RND3: variants seen among roughly 807,000 people sequenced by gnomAD.
The protein encoded by RND3 is rho-related GTP-binding protein RhoE.
Under a neutral mutation model 26.5 loss-of-function variants are expected in RND3, and 8 were observed. The observed-to-expected ratio is 0.30, with a 90% CI of 0.18 to 0.54. The LOEUF is 0.54. RND3 is among the 20% of genes least tolerant of loss of function. The pLI is 0.94. For synonymous variants in RND3, 113 were observed against 113.0 expected (o/e 1.00, Z 0.00); for missense variants, 207 against 302.8 (o/e 0.68, Z 2.35).
chr2:150,485,971 G>A (rs1334301604), intron 3 of RND3, among the ~76,000 whole-genome samples: 1 of 152,152 alleles, frequency 6.6e-6, no homozygotes, highest in Non-Finnish European at 1.5e-5. Context: ...GCCGAGTGGG[G>A]GATGCAATAG....
chr2:150,474,959 G>T lies in RND3; in HGVS notation c.264C>A (p.Arg88=), dbSNP rs1411389755. ...TSGSPYYDNV[R]PLSYPDSDAV... ...CATCCGAATCAGGGTAAGAGAGGGG[G>T]CGGACATTGTCATAGTAAGGAGAAC... The change falls in exon 4 of 6, where the codon CGC becomes CGA. Residue 88 remains arginine, a synonymous_variant. Transcript: ENST00000263895. The T allele has an allele frequency of 2.5e-6, 4 of 1,612,504 alleles. No individual in the cohort carries two copies. Among genetic ancestry groups the T allele is most frequent in the African/African-American group, 1.3e-5 (1 of 74,864 alleles).
intron 2 of RND3, 45 bp downstream of exon 2, chr2:150,487,223 C>A: frequency 6.7e-7 from 1 of 1,499,894 alleles, no homozygotes. Context: ...GACTGGGATC[C>A]CACTGGCCGA....
intron 3 of RND3, 107 bp from the exon 4 acceptor site, chr2:150,475,091 C>A: frequency 1.6e-6 from 1 of 636,794 alleles, no homozygotes; most frequent in South Asian, 1.9e-5. Flanking sequence ...CATCACGACC[C>A]AACTCCCACT....
rs574019604 is a variant in RND3, at chr2:150,483,040, A to G, written c.238+3654T>C. ...AGTGGATGCGGGAAAAAAGGAAGAGATGGATGGAGAAAGGGAGAAAGGAAG... is the reference window on the plus strand; with the variant it reads ...AGTGGATGCGGGAAAAAAGGAAGAGGTGGATGGAGAAAGGGAGAAAGGAAG... On this transcript the variant is annotated intron_variant, in intron 3 of 5. Transcript: ENST00000263895. Among the ~76,000 whole-genome samples the G allele has an allele frequency of 7.2e-5, 11 of 152,284 alleles. No individual in the cohort carries two copies. In the South Asian group the frequency reaches 8.3e-4, roughly 11 times the overall value.
chr2:150,476,619 C>T (rs1454343147), intron 3 of RND3, among the ~76,000 whole-genome samples: 2 of 152,154 alleles, frequency 1.3e-5, no homozygotes, highest in African/African-American at 4.8e-5. Flanking sequence ...GAACCAGGAC[C>T]CTGGTAGAGC....
intron 3 of RND3, among the ~76,000 whole-genome samples, chr2:150,481,348 CTGTT>C (rs1238085157): frequency 1.3e-5 from 2 of 152,170 alleles, no homozygotes; most frequent in Admixed American, 6.5e-5. Flanking sequence ...TCTATGTCCT[CTGTT>C]TGTCCTGTGG....
In RND3 at chr2:150,471,778, A is replaced by G. The variant is rs772537086; in HGVS notation, c.349-17T>C. The stretch of plus-strand genomic sequence containing the variant: ...ACCTTTCCACTATGAAAGAAAAAAA[A>G]AAAAGATTAAAAATGAACAAAGTAA... On this transcript the variant is annotated splice_polypyrimidine_tract_variant and intron_variant, in intron 4 of 5. Coordinates refer to ENST00000263895, the MANE Select transcript of RND3 (RefSeq NM_005168.5). The G allele has an allele frequency of 7.5e-6, 12 of 1,591,452 alleles. No homozygotes were observed. The highest frequency in any genetic ancestry group is 9.4e-6 in the Non-Finnish European group (11 of 1,164,620).
Position 150,486,316 on chromosome 2 carries a change from CGCCCGCCTTGA to C in RND3, c.238+367_238+377del, listed in dbSNP as rs202111491. 7.2e-3 allele frequency among the ~76,000 whole-genome samples: 1,091 copies of C among 152,306 alleles called. 16 individuals are homozygous for C. The highest frequency in any genetic ancestry group is 0.023 in the African/African-American group (973 of 41,584). ...ACCAGCAGGTTAGATCTAGGAGGGG[CGCCCGCCTTGA>C]GCCGGGTGGTTCCGCCGAGGCGCAC... On this transcript the variant is annotated intron_variant, in intron 3 of 5. Coordinates refer to ENST00000263895, the MANE Select transcript of RND3 (RefSeq NM_005168.5). The surrounding 1 kb of genome is among the most constrained non-coding windows in gnomAD (Gnocchi z 4.5).
chr2:150,471,441 A>G (rs1387827735), intron 5 of RND3, among the ~76,000 whole-genome samples, 186 bp downstream of exon 5: 3 of 152,224 alleles, frequency 2.0e-5, no homozygotes, highest in Non-Finnish European at 2.9e-5. Context: ...AGGTTAGCAT[A>G]TCAACTGTTT....
intron 4 of RND3, among the ~76,000 whole-genome samples, chr2:150,473,030 C>T (rs1394094684): frequency 6.9e-6 from 1 of 145,740 alleles, no homozygotes; most frequent in African/African-American, 2.5e-5. Flanking sequence ...TCCTTCTTTC[C>T]TTCTTTCCTC....
chr2:150,481,094 A>G (rs1686261267), intron 3 of RND3, among the ~76,000 whole-genome samples: 1 of 152,218 alleles, frequency 6.6e-6, no homozygotes, highest in South Asian at 2.1e-4. Context: ...GAGCCACTAA[A>G]TGTAAGCGAG....
intron 3 of RND3, among the ~76,000 whole-genome samples, chr2:150,478,507 C>G (rs1304046794): frequency 1.4e-5 from 2 of 146,106 alleles, no homozygotes; most frequent in Non-Finnish European, 3.0e-5. Context: ...GTGGGTAAAG[C>G]AGGAACAATA....
intron 4 of RND3, 133 bp downstream of exon 4, chr2:150,474,742 G>T: frequency 2.0e-6 from 1 of 505,232 alleles, no homozygotes; most frequent in Non-Finnish European, 3.6e-6. Context: ...GGTGTGAAAG[G>T]GTTCTTTCTA....
intron 3 of RND3, among the ~76,000 whole-genome samples, chr2:150,478,789 AG>A (rs1452826308): frequency 1.3e-5 from 2 of 152,098 alleles, no homozygotes; most frequent in Non-Finnish European, 2.9e-5. Context: ...AATGCACTAA[AG>A]TCCAATAACA....
At chr2:150,478,559 C>T (rs1686212027) in intron 3 of RND3, among the ~76,000 whole-genome samples, 1 of 134,020 alleles carries the variant, frequency 7.5e-6, no homozygotes, top group African/African-American at 3.0e-5. Context: ...AGTCTTACAA[C>T]ACCCTGTGAA....
In RND3 at chr2:150,469,969, T is replaced by G; in HGVS notation, c.*18A>C. ...TTTACACTAGATTCCTTTGTCTTCA[T>G]TAAAGATAATGAAAGATTCACATCA... On this transcript the variant is annotated 3_prime_UTR_variant, in exon 6 of 6. Coordinates refer to ENST00000263895, the MANE Select transcript of RND3 (RefSeq NM_005168.5). The G allele has an allele frequency of 6.2e-7, 1 of 1,611,888 alleles. No individual in the cohort carries two copies. The highest frequency in any genetic ancestry group is 8.5e-7 in the Non-Finnish European group (1 of 1,178,538).
chr2:150,480,342 G>A (rs1010100224), intron 3 of RND3, among the ~76,000 whole-genome samples: 5 of 152,076 alleles, frequency 3.3e-5, no homozygotes, highest in East Asian at 3.9e-4. Flanking sequence ...ACTACATTCC[G>A]TGTCAATAAA....
intron 3 of RND3, among the ~76,000 whole-genome samples, chr2:150,483,023 C>T (rs985247610): frequency 1.3e-5 from 2 of 151,038 alleles, no homozygotes; most frequent in Admixed American, 6.6e-5. Flanking sequence ...ATAGTGGATG[C>T]GGGAAAAAAG....
intron 2 of RND3, 74 bp downstream of exon 2, chr2:150,487,194 G>A (rs1444835596): frequency 9.8e-7 from 1 of 1,019,164 alleles, no homozygotes; most frequent in Non-Finnish European, 1.4e-6. Context: ...ACGGATGAAA[G>A]CGGGGAGGCC....
Sources: allele counts gnomAD v4.1 joint callset (sites outside exome capture counted in the v4.1 genomes callset), GRCh38; gene constraint gnomAD v4.1.1; non-coding constraint Gnocchi (gnomAD v3.1); transcripts MANE v1.5; gene names NCBI Gene and HGNC (gene_info 2026-07-23, HGNC 2026-07-21).